FAM81A: variants seen among roughly 807,000 people sequenced by gnomAD.
FAM81A encodes family with sequence similarity 81 member A, also known as protein FAM81A.
FAM81A carries 19 observed loss-of-function variants against 46.7 expected under a neutral mutation model. The observed-to-expected ratio is 0.41, with a 90% confidence interval of 0.28 to 0.60. The LOEUF (loss-of-function observed/expected upper bound fraction) is 0.60, where lower values mean the gene tolerates loss of function less well. Ranked by LOEUF, FAM81A falls within the 20% of genes least tolerant of loss-of-function variation. The pLI is 0.34. For synonymous variants in FAM81A, 183 were observed against 152.9 expected (o/e 1.20, Z -1.45); for missense variants, 377 against 453.5 (o/e 0.83, Z 1.53).
chr15:59,457,907 T>C (rs1164272762), intron 1 of FAM81A, among the ~76,000 whole-genome samples: 1 of 152,204 alleles, frequency 6.6e-6, no homozygotes, highest in African/African-American at 2.4e-5. Flanking sequence ...CTCTAGTGTT[T>C]TTCACATTTC....
At chr15:59,398,381 G>T (rs2140459830) in intron 1 of FAM81A, among the ~76,000 whole-genome samples, 1 of 152,310 alleles carries the variant, frequency 6.6e-6, no homozygotes, top group South Asian at 2.1e-4. Flanking sequence ...GCCTTCCACA[G>T]GATGGGAGTT....
At chr15:59,479,120 G>T (rs532530560) in intron 3 of FAM81A, among the ~76,000 whole-genome samples, 71 of 152,306 alleles carry the variant, frequency 4.7e-4, no homozygotes, top group African/African-American at 1.7e-3. Flanking sequence ...CTTTAGTGGG[G>T]TGTACAGGCA....
intron 3 of FAM81A, among the ~76,000 whole-genome samples, chr15:59,477,245 G>A (rs1265748762): frequency 2.6e-5 from 4 of 152,108 alleles, no homozygotes; most frequent in Non-Finnish European, 5.9e-5. Context: ...TGTAAAAGGT[G>A]TATTTTTTAT....
At chr15:59,476,617 C>G (rs1318812867) in intron 3 of FAM81A, among the ~76,000 whole-genome samples, 1 of 152,084 alleles carries the variant, frequency 6.6e-6, no homozygotes, top group African/African-American at 2.4e-5. Flanking sequence ...GAAACCCCAT[C>G]TCTCCTAAAA....
chr15:59,425,241 A>G (rs1235463029), intron 2 of FAM81A, among the ~76,000 whole-genome samples: 1 of 152,162 alleles, frequency 6.6e-6, no homozygotes, highest in Non-Finnish European at 1.5e-5. Context: ...ATAGTGCCTG[A>G]TACAGTCTAG....
intron 2 of FAM81A, among the ~76,000 whole-genome samples, chr15:59,406,392 G>C (rs2081094987): frequency 6.6e-6 from 1 of 152,182 alleles, no homozygotes; most frequent in African/African-American, 2.4e-5. Flanking sequence ...CAGTTCACAT[G>C]GTTTGCGAGC....
In FAM81A at chr15:59,460,017, C is replaced by G; in HGVS notation, c.105C>G (p.Asp35Glu). Reference protein sequence around the residue: ...SSVSLVEQLEDRILCHEKTTA... With the variant: ...SSVSLVEQLEERILCHEKTTA... ...TAAGCCTCGTGGAGCAGCTGGAAGA[C>G]AGGATCCTCTGCCATGAGAAAACCA... Residue 35 changes from aspartate (D) to glutamate (E), a missense_variant, in exon 3 of 9, where the codon GAC becomes GAG. Coordinates refer to ENST00000288228, the MANE Select transcript of FAM81A (RefSeq NM_152450.3). This position sits in a 1 kb window ranked among gnomAD's most constrained non-coding sequence, Gnocchi z 4.4. 1 of 1,613,874 alleles carries G rather than the reference C, an allele frequency of 6.2e-7. No individual in the cohort carries two copies. Among genetic ancestry groups the G allele is most frequent in the Admixed American group, 1.7e-5 (1 of 59,976 alleles).
intron 1 of FAM81A, among the ~76,000 whole-genome samples, chr15:59,456,706 G>T (rs1427940228): frequency 6.6e-6 from 1 of 152,142 alleles, no homozygotes; most frequent in Non-Finnish European, 1.5e-5. Flanking sequence ...CTCCAGAGTA[G>T]CTTGGACTAC....
intron 2 of FAM81A, among the ~76,000 whole-genome samples, chr15:59,403,703 A>C (rs17269608): frequency 0.18 from 27,480 of 151,854 alleles, 2,714 homozygotes; most frequent in Non-Finnish European, 0.22. Context: ...GTTAGAGTTG[A>C]AGAGATGTTT....
intron 3 of FAM81A, among the ~76,000 whole-genome samples, chr15:59,491,664 A>G (rs777797738): frequency 1.3e-5 from 2 of 152,132 alleles, no homozygotes; most frequent in Non-Finnish European, 2.9e-5. Flanking sequence ...TGCCTGTATC[A>G]AAATAGCCCA....
intron 7 of FAM81A, 117 bp from the exon 8 acceptor site, chr15:59,516,528 G>A (rs907383176): frequency 1.2e-5 from 12 of 961,694 alleles, no homozygotes; most frequent in Non-Finnish European, 1.6e-5. Context: ...TGGGCAACAA[G>A]CAGCTGTTGC....
chr15:59,409,522 A>G (rs1195066181), intron 2 of FAM81A, among the ~76,000 whole-genome samples: 1 of 151,680 alleles, frequency 6.6e-6, no homozygotes. Context: ...TAGTGCCCAG[A>G]CTCCTTGAAG....
At chr15:59,474,860 T>C (rs8026399) in intron 3 of FAM81A, among the ~76,000 whole-genome samples, 2 of 152,232 alleles carry the variant, frequency 1.3e-5, no homozygotes, top group African/African-American at 4.8e-5. Context: ...CTTTTCTCTT[T>C]TCTACTTTAC....
At chr15:59,452,452 G>A (rs867427991) in intron 1 of FAM81A, among the ~76,000 whole-genome samples, 3 of 152,296 alleles carry the variant, frequency 2.0e-5, no homozygotes, top group African/African-American at 7.2e-5. Flanking sequence ...TTTGAGGCCA[G>A]CCTGGGCAAT....
In FAM81A at chr15:59,521,412, T is replaced by C. The variant is rs1464706183; in HGVS notation, c.*34T>C. The C allele has an allele frequency of 2.5e-6, 4 of 1,568,812 alleles. No homozygotes were observed. The highest frequency in any genetic ancestry group is 3.5e-6 in the Non-Finnish European group (4 of 1,156,322). On this transcript the variant is annotated 3_prime_UTR_variant, in exon 9 of 9. Coordinates refer to ENST00000288228, the MANE Select transcript of FAM81A (RefSeq NM_152450.3). ...GGGACAAGGTCCTAAAAGACAGTTT[T>C]GCCAGTGGGGCTAGGAGCCGGATAC...
In FAM81A at chr15:59,516,696, C is replaced by G; in HGVS notation, c.838C>G (p.Leu280Val). 1.9e-6 allele frequency: 3 copies of G among 1,613,486 alleles called. No homozygotes were observed. In the South Asian group the frequency reaches 3.3e-5, roughly 18 times the overall value. ...GAAGCTCAGCCAGATGTCAGCCAGGCTTGACAAAATAGAAGAGGGTCAAAA... is the reference window on the plus strand; with the variant it reads ...GAAGCTCAGCCAGATGTCAGCCAGGGTTGACAAAATAGAAGAGGGTCAAAA... ...EKKLSQMSAR[L>V]DKIEEGQKKT... The change falls in exon 8 of 9, where the codon CTT becomes GTT. Residue 280 changes from leucine (L) to valine (V), a missense_variant. Physicochemically the swap from Leu to Val is conservative, Grantham distance 32. Coordinates refer to ENST00000288228, the MANE Select transcript of FAM81A (RefSeq NM_152450.3).
chr15:59,521,318 G>T lies in FAM81A; in HGVS notation c.1047G>T (p.Leu349=), dbSNP rs764994610. 3 of 1,613,742 alleles carry T rather than the reference G, an allele frequency of 1.9e-6. No individual in the cohort carries two copies. In the South Asian group the frequency reaches 3.3e-5, roughly 18 times the overall value. Reference sequence around the variant, plus strand: ...AAGTTCTCGAGGCCAAGATGAAGCTGGACAGGGACCAGCTACAGAAGCAAA... The same window carrying T: ...AAGTTCTCGAGGCCAAGATGAAGCTTGACAGGGACCAGCTACAGAAGCAAA... ...LRQVLEAKMK[L]DRDQLQKQIQ... The change falls in exon 9 of 9, where the codon CTG becomes CTT. Residue 349 remains leucine, a synonymous_variant. Coordinates refer to ENST00000288228, the MANE Select transcript of FAM81A (RefSeq NM_152450.3).
intron 3 of FAM81A, among the ~76,000 whole-genome samples, chr15:59,491,284 ATTATG>A (rs1596523808): frequency 6.6e-6 from 1 of 152,210 alleles, no homozygotes; most frequent in African/African-American, 2.4e-5. Context: ...ACGAGAGGTC[ATTATG>A]TTAAGTGAAA....
intron 4 of FAM81A, among the ~76,000 whole-genome samples, chr15:59,502,612 CAA>C (rs2082106018): frequency 6.6e-6 from 1 of 151,702 alleles, no homozygotes; most frequent in Admixed American, 6.6e-5. Context: ...CTCCTGGGTT[CAA>C]GCGATTCTCC....
Sources: allele counts gnomAD v4.1 joint callset (sites outside exome capture counted in the v4.1 genomes callset), GRCh38; gene constraint gnomAD v4.1.1; non-coding constraint Gnocchi (gnomAD v3.1); transcripts MANE v1.5; gene names NCBI Gene and HGNC (gene_info 2026-07-23, HGNC 2026-07-21).